The following ABCC4 variants were observed in gnomAD, a reference collection of about 807,000 sequenced individuals.
ABCC4 encodes the protein ATP-binding cassette sub-family C member 4.
ABCC4 carries 102 observed loss-of-function variants against 168.5 expected under a neutral mutation model. The ratio of observed to expected loss-of-function variants is 0.61; its 90% CI spans 0.52 to 0.71. The LOEUF is 0.71. Among genes scored for constraint, ABCC4 ranks in the 30% least tolerant of loss-of-function variants. The pLI is 0.00. For synonymous variants in ABCC4, 617 were observed against 590.7 expected, an observed-to-expected ratio of 1.04 and a Z score of -0.65; for missense variants, 1,402 against 1,605.8, an observed-to-expected ratio of 0.87 and a Z score of 2.17.
intron 1 of ABCC4, among the ~76,000 whole-genome samples, chr13:95,258,455 C>A (rs1257534917): frequency 1.3e-5 from 2 of 152,286 alleles, no homozygotes; most frequent in East Asian, 1.9e-4. Flanking sequence ...GAAAGTCCTA[C>A]CCTTGTGTAC....
chr13:95,077,021 G>T (rs4773839), intron 21 of ABCC4, among the ~76,000 whole-genome samples: 1 of 152,068 alleles, frequency 6.6e-6, no homozygotes, highest in East Asian at 1.9e-4. Context: ...ATTTCCAGCA[G>T]GCCACTGTGT....
intron 1 of ABCC4, among the ~76,000 whole-genome samples, chr13:95,289,534 C>T (rs1375841859): frequency 6.6e-6 from 1 of 152,080 alleles, no homozygotes; most frequent in South Asian, 2.1e-4. Flanking sequence ...TCGAAGAACC[C>T]GGCATCTCTA....
intron 19 of ABCC4, among the ~76,000 whole-genome samples, chr13:95,123,917 G>T (rs970630716): frequency 7.2e-5 from 11 of 152,322 alleles, no homozygotes; most frequent in Admixed American, 3.9e-4. Context: ...AGAGGGAAGA[G>T]AATGTATTGA....
chr13:95,075,239 C>G (rs944493876), intron 22 of ABCC4, 193 bp downstream of exon 22: 11 of 636,868 alleles, frequency 1.7e-5, no homozygotes, highest in Non-Finnish European at 2.9e-5. Flanking sequence ...AAAGAGGGAA[C>G]GTGCAGCAGC....
At chr13:95,252,651 G>A (rs190464011) in intron 1 of ABCC4, among the ~76,000 whole-genome samples, 1 of 152,264 alleles carries the variant, frequency 6.6e-6, no homozygotes, top group East Asian at 1.9e-4. Flanking sequence ...CTCCAGCCTA[G>A]GTGACAGAGC....
intron 29 of ABCC4, among the ~76,000 whole-genome samples, chr13:95,041,302 T>A (rs2032347929): frequency 6.6e-6 from 1 of 152,234 alleles, no homozygotes; most frequent in African/African-American, 2.4e-5. Context: ...GAACCAAAAC[T>A]GGGTAAATCC....
In ABCC4 at chr13:95,062,945, T is replaced by C. The variant is rs1594033317; in HGVS notation, c.3211-86A>G. The C allele has an allele frequency of 4.1e-6, 6 of 1,462,380 alleles. No homozygotes were observed. The East Asian group carries it at 9.2e-5, about 22-fold the overall frequency. 90.6% of individuals were successfully genotyped at this position (1,462,380 alleles called of 1,614,324 possible). A position where few individuals can be genotyped will look rare whatever the true frequency, so the allele number is the denominator to read the frequency against. The stretch of plus-strand genomic sequence containing the variant: ...AAAACTAGGAGAAAACTTTCGGTTT[T>C]TGAAGAAGAATTAAGGACATTCTAT... On this transcript the variant is annotated intron_variant, in intron 25 of 30. Transcript: ENST00000645237.
chr13:95,176,231 GGGGGGGGGGGGGGGT>G lies in ABCC4; in HGVS notation c.1727+1461_1727+1475del, dbSNP rs2037690789. Among the ~76,000 whole-genome samples, 4 of 63,550 alleles carry G rather than the reference GGGGGGGGGGGGGGGT, an allele frequency of 6.3e-5. 1 individual carries two copies. Among genetic ancestry groups the G allele is most frequent in the Admixed American group, 1.2e-4 (1 of 8,172 alleles). 41.7% of individuals were successfully genotyped at this position (63,550 alleles called of 152,430 possible). A position where few individuals can be genotyped will look rare whatever the true frequency, so the allele number is the denominator to read the frequency against. ...CTCCAGGAAGCCGAGGGCAGGGGGGGGGGGGGGGGGGGGGTGGATCCCTTGAGCCCAGGAGTTCGA... is the reference window on the plus strand; with the variant it reads ...CTCCAGGAAGCCGAGGGCAGGGGGGGGGATCCCTTGAGCCCAGGAGTTCGA... On this transcript the variant is annotated intron_variant, in intron 13 of 30. Transcript: ENST00000645237.
At chr13:95,242,166 CA>C (rs1365307882) in intron 3 of ABCC4, among the ~76,000 whole-genome samples, 1 of 151,946 alleles carries the variant, frequency 6.6e-6, no homozygotes, top group African/African-American at 2.4e-5. Context: ...AGCACAGACA[CA>C]AGACCAAAAA....
chr13:95,264,410 C>T (rs2040613756), intron 1 of ABCC4, among the ~76,000 whole-genome samples: 1 of 152,134 alleles, frequency 6.6e-6, no homozygotes, highest in South Asian at 2.1e-4. Context: ...TAAAGTATTG[C>T]ATAATCAACT....
At chr13:95,146,584 G>T (rs556641511) in intron 19 of ABCC4, among the ~76,000 whole-genome samples, 1 of 152,186 alleles carries the variant, frequency 6.6e-6, no homozygotes, top group South Asian at 2.1e-4. Context: ...TCAATTACAG[G>T]CATCACATCC....
chr13:95,028,429 G>T (rs2031651074), intron 30 of ABCC4, among the ~76,000 whole-genome samples: 1 of 152,054 alleles, frequency 6.6e-6, no homozygotes, highest in Non-Finnish European at 1.5e-5. Flanking sequence ...AAATGAAACT[G>T]ATGCGTAAAA....
At chr13:95,061,917 C>T (rs777642718) in intron 26 of ABCC4, among the ~76,000 whole-genome samples, 1 of 152,136 alleles carries the variant, frequency 6.6e-6, no homozygotes, top group Non-Finnish European at 1.5e-5. Context: ...TGAACCAAAG[C>T]AATGACAGGA....
intron 5 of ABCC4, 42 bp downstream of exon 5, chr13:95,210,650 G>A (rs1032716249): frequency 1.7e-5 from 25 of 1,474,494 alleles, no homozygotes; most frequent in Non-Finnish European, 2.2e-5. Context: ...GGAAAGAGGG[G>A]TGTTTAATGC....
At chr13:95,291,246 T>C (rs1594453291) in intron 1 of ABCC4, among the ~76,000 whole-genome samples, 1 of 151,908 alleles carries the variant, frequency 6.6e-6, no homozygotes, top group Non-Finnish European at 1.5e-5. Context: ...TCCCAGCTAC[T>C]TGGGGGGCTG....
rs1169486738 is a variant in ABCC4 at position 95,206,717 on chromosome 13, T to G, written c.976A>C (p.Ser326Arg). 1 of 1,614,140 alleles carries G rather than the reference T, an allele frequency of 6.2e-7. No individual in the cohort carries two copies. The highest frequency in any genetic ancestry group is 1.7e-5 in the Admixed American group (1 of 60,018). Residue 326 changes from serine (S) to arginine (R), a missense_variant, in exon 8 of 31, where the codon AGT (serine) becomes CGT (arginine). By Grantham distance (110) the Ser-to-Arg change is moderately radical. This residue lies in a region of ABCC4 where 78 missense variants were observed against 133.0 expected (regional missense o/e 0.59). Transcript: ENST00000645237. Reference sequence around the variant, plus strand: ...ACAAACACGATGATTTTGCTTGCACTGAAAAATGAAGCCAAATTCATCCCT... The same window carrying G: ...ACAAACACGATGATTTTGCTTGCACGGAAAAATGAAGCCAAATTCATCCCT... ...LRGMNLASFF[S>R]ASKIIVFVTF...
At chr13:95,196,440 C>A (rs906732118) in intron 8 of ABCC4, among the ~76,000 whole-genome samples, 1 of 152,028 alleles carries the variant, frequency 6.6e-6, no homozygotes, top group Non-Finnish European at 1.5e-5. Context: ...CTCCAAAATC[C>A]AGGTGGTGAA....
rs144097049 is a variant in ABCC4, at chr13:95,158,694, A to G, written c.2455+2495T>C. ...GGGCACAACATCATGCCAGATACTT[A>G]TACATATTTAACATGTATGTTTAAG... On this transcript the variant is annotated intron_variant, in intron 19 of 30. Coordinates refer to ENST00000645237, the MANE Select transcript of ABCC4 (RefSeq NM_005845.5). 2.4e-4 allele frequency among the ~76,000 whole-genome samples: 37 copies of G among 152,296 alleles called. No individual in the cohort carries two copies. The East Asian group carries it at 6.2e-3, about 25-fold the overall frequency.
intron 10 of ABCC4, among the ~76,000 whole-genome samples, 153 bp from the exon 11 acceptor site, chr13:95,187,045 CA>C (rs1477374806): frequency 2.0e-5 from 3 of 152,144 alleles, no homozygotes; most frequent in Non-Finnish European, 4.4e-5. Flanking sequence ...TTGGAAATAA[CA>C]TAATGGTCCA....
Sources: gnomAD v4.1 joint callset for allele counts (sites outside exome capture counted in the v4.1 genomes callset) on GRCh38, gnomAD v4.1.1 for gene constraint, gnomAD v4.1.1 regional missense constraint, MANE v1.5 for transcripts, NCBI Gene and HGNC (gene_info 2026-07-23, HGNC 2026-07-21) for gene names.